Variants in FILIP1 observed in about 807,000 individuals in gnomAD.
The protein encoded by FILIP1 is filamin A interacting protein 1.
Under a neutral mutation model 102.1 loss-of-function variants are expected in FILIP1, and 61 were observed. That is an observed-to-expected ratio of 0.60 (90% CI 0.49 to 0.74). FILIP1 has a LOEUF of 0.74. Among genes scored for constraint, FILIP1 ranks in the 30% least tolerant of loss-of-function variants. The pLI, the probability that FILIP1 is intolerant of heterozygous loss-of-function variation, is 0.00. For synonymous variants in FILIP1, 491 were observed against 526.9 expected (o/e 0.93, Z 0.93); for missense variants, 1,314 against 1,441.2 (o/e 0.91, Z 1.43).
At chr6:75,481,724 A>C (rs1288863873) in intron 1 of FILIP1, among the ~76,000 whole-genome samples, 1 of 152,166 alleles carries the variant, frequency 6.6e-6, no homozygotes, top group African/African-American at 2.4e-5. Flanking sequence ...GCTACAAAAC[A>C]TGGGCCTTGC....
At chr6:75,420,730 C>T (rs182581357) in intron 1 of FILIP1, among the ~76,000 whole-genome samples, 1 of 152,184 alleles carries the variant, frequency 6.6e-6, no homozygotes, top group African/African-American at 2.4e-5. Flanking sequence ...ACTATTCCAA[C>T]ATGTGCCATT....
At chr6:75,332,112 C>T (rs1774104111) in intron 4 of FILIP1, among the ~76,000 whole-genome samples, 1 of 152,110 alleles carries the variant, frequency 6.6e-6, no homozygotes, top group Non-Finnish European at 1.5e-5. Context: ...TATCAGCCAC[C>T]CAGCCTATGG....
intron 3 of FILIP1, 82 bp from the exon 4 acceptor site, chr6:75,353,799 G>A (rs527691659): frequency 5.1e-6 from 7 of 1,384,798 alleles, no homozygotes; most frequent in Non-Finnish European, 6.9e-6. Context: ...CATGGGTCTA[G>A]TGACTTATTA....
rs770745849 is a variant in FILIP1 at position 75,314,992 on chromosome 6, CTCT to C, written c.837_839del (p.Glu280del). The C allele has an allele frequency of 3.7e-6, 6 of 1,613,866 alleles. No homozygotes were observed. Among genetic ancestry groups the C allele is most frequent in the East Asian group, 2.2e-5 (1 of 44,890 alleles). ...ATTTGGAAGTAATGGCTTTGAGCTTCTCTTCTTCTTCCCTCAGCTTCTGAGTAA... is the reference window on the plus strand; with the variant it reads ...ATTTGGAAGTAATGGCTTTGAGCTTCTCTTCTTCCCTCAGCTTCTGAGTAA... On this transcript the variant is annotated inframe_deletion, in exon 5 of 6. Coordinates refer to ENST00000237172, the MANE Select transcript of FILIP1 (RefSeq NM_015687.5).
chr6:75,430,832 C>G (rs1466915936), intron 1 of FILIP1, among the ~76,000 whole-genome samples: 1 of 152,126 alleles, frequency 6.6e-6, no homozygotes, highest in Admixed American at 6.6e-5. Context: ...GAGCATTTCC[C>G]AGCAGATGGT....
At chr6:75,373,368 CACA>C (rs1332412043) in intron 2 of FILIP1, among the ~76,000 whole-genome samples, 1 of 152,242 alleles carries the variant, frequency 6.6e-6, no homozygotes, top group East Asian at 1.9e-4. Flanking sequence ...GTGATAATTG[CACA>C]ACAAGGTGAA....
chr6:75,454,786 GT>G (rs1180669465), intron 1 of FILIP1, among the ~76,000 whole-genome samples: 1 of 152,102 alleles, frequency 6.6e-6, no homozygotes, highest in African/African-American at 2.4e-5. Flanking sequence ...CCATAGTTGA[GT>G]TTTCTCCTAA....
intron 2 of FILIP1, among the ~76,000 whole-genome samples, chr6:75,403,524 A>AAAAGAAAAAG (rs1554208657): frequency 7.4e-6 from 1 of 134,730 alleles, no homozygotes; most frequent in African/African-American, 2.8e-5. Flanking sequence ...CAAAAAAAAA[A>AAAAGAAAAAG]AAAAAAGAAA....
intron 1 of FILIP1, among the ~76,000 whole-genome samples, chr6:75,425,885 C>G (rs539906511): frequency 1.3e-5 from 2 of 151,916 alleles, no homozygotes; most frequent in Non-Finnish European, 2.9e-5. Flanking sequence ...AAATACCTCT[C>G]ATTATCCTCA....
chr6:75,477,947 T>C (rs1442933699), intron 1 of FILIP1, among the ~76,000 whole-genome samples: 1 of 152,200 alleles, frequency 6.6e-6, no homozygotes, highest in Non-Finnish European at 1.5e-5. Flanking sequence ...GGTCTGACAA[T>C]CATCAAACGG....
chr6:75,467,372 C>A (rs1271696675), intron 1 of FILIP1, among the ~76,000 whole-genome samples: 1 of 152,054 alleles, frequency 6.6e-6, no homozygotes, highest in Non-Finnish European at 1.5e-5. Context: ...GACTGCTGAC[C>A]CACAGGACAT....
At chr6:75,364,147 C>T (rs780048792) in intron 2 of FILIP1, among the ~76,000 whole-genome samples, 48 of 152,210 alleles carry the variant, frequency 3.2e-4, no homozygotes, top group Middle Eastern at 6.8e-3. Context: ...ATGTCTCTGC[C>T]ACATATACGT....
chr6:75,448,514 A>T (rs565046488), intron 1 of FILIP1, among the ~76,000 whole-genome samples: 5 of 152,302 alleles, frequency 3.3e-5, no homozygotes, highest in Admixed American at 1.3e-4. Flanking sequence ...GACTTAATTG[A>T]ACTAAAAAGC....
intron 1 of FILIP1, among the ~76,000 whole-genome samples, chr6:75,421,769 T>A (rs888151199): frequency 2.1e-4 from 32 of 152,174 alleles, no homozygotes; most frequent in Non-Finnish European, 2.5e-4. Context: ...TAACTTTGCA[T>A]AAGAATAGCG....
chr6:75,399,131 T>C (rs1263448190), intron 2 of FILIP1: 1 of 152,218 alleles, frequency 6.6e-6, no homozygotes, highest in African/African-American at 2.4e-5. Context: ...GTGTCACCAT[T>C]GACTTTATTA....
chr6:75,430,360 T>C (rs941326879), intron 1 of FILIP1, among the ~76,000 whole-genome samples: 1 of 152,176 alleles, frequency 6.6e-6, no homozygotes, highest in Non-Finnish European at 1.5e-5. Flanking sequence ...TGTTTGACAG[T>C]TGATAAATAA....
intron 2 of FILIP1, among the ~76,000 whole-genome samples, chr6:75,406,661 CTT>C (rs33981073): frequency 1.5e-5 from 2 of 132,940 alleles, no homozygotes; most frequent in African/African-American, 2.8e-5. Context: ...AGCAATGTTT[CTT>C]TTTTTTTTTT....
chr6:75,314,161 T>C lies in FILIP1; in HGVS notation c.1671A>G (p.Leu557=). The C allele has an allele frequency of 6.5e-7, 1 of 1,538,420 alleles. No individual in the cohort carries two copies. ...ATACTTTTTCCTCCATTTCAGATTT[T>C]AGTTTTAAAAGTTTCTTACTTTCTT... The part of the protein sequence containing the change: ...LIEESKKLLK[L]KSEMEEKVYN... The change falls in exon 5 of 6, where the codon CTA becomes CTG. Residue 557 remains leucine (L), a synonymous_variant. Coordinates refer to ENST00000237172, the MANE Select transcript of FILIP1 (RefSeq NM_015687.5).
chr6:75,402,185 TTTCTGA>T (rs1298462805), intron 2 of FILIP1, among the ~76,000 whole-genome samples: 6 of 152,166 alleles, frequency 3.9e-5, no homozygotes, highest in African/African-American at 1.4e-4. Context: ...GAAAGCCAAC[TTTCTGA>T]TTCTATTAGG....
Sources: gnomAD v4.1 joint callset for allele counts (sites outside exome capture counted in the v4.1 genomes callset) on GRCh38, gnomAD v4.1.1 for gene constraint, MANE v1.5 for transcripts, NCBI Gene and HGNC (gene_info 2026-07-23, HGNC 2026-07-21) for gene names.